Variants in BEND3 observed in about 807,000 individuals in gnomAD.
BEND3 encodes BEN domain containing 3, also known as BEN domain-containing protein 3.
A neutral mutation model predicts 60.1 loss-of-function variants in BEND3; 13 were observed. The observed-to-expected ratio is 0.22, with a 90% confidence interval of 0.14 to 0.34. BEND3 has a LOEUF of 0.34. Among genes scored for constraint, BEND3 ranks in the 10% least tolerant of loss-of-function variants. The pLI, the probability that BEND3 is intolerant of heterozygous loss-of-function variation, is 1.00. For missense variants in BEND3, 896 were observed against 1,138.1 expected (o/e 0.79, Z 3.06); for synonymous variants, 497 against 491.5 (o/e 1.01, Z -0.15).
At position 107,070,087 on chromosome 6, in the gene BEND3, G is replaced by A. The variant is rs2114993955; in HGVS notation, c.1104C>T (p.Phe368=). ...CCTCCTCCTGGTCTTTGTTGTCCAG[G>A]AAGTGGCCGGGGTCCACCTGCTCTG... ...FEAEQVDPGH[F]LDNKDQEEAL... is the part of the protein sequence containing the mutation. The change falls in exon 4 of 4, where the codon TTC becomes TTT. Residue 368 remains phenylalanine, a synonymous_variant. Coordinates refer to ENST00000369042, the MANE Select transcript of BEND3 (RefSeq NM_001367314.1). This position sits in a 1 kb window ranked among gnomAD's most constrained non-coding sequence, Gnocchi z 6.9. 6.2e-7 allele frequency: 1 copy of A among 1,613,536 alleles called. No individual in the cohort carries two copies. Among genetic ancestry groups the A allele is most frequent in the Non-Finnish European group, 8.5e-7 (1 of 1,180,040 alleles).
intron 3 of BEND3, among the ~76,000 whole-genome samples, chr6:107,080,354 C>CAAAAAAAA (rs11402351): frequency 5.2e-3 from 434 of 82,866 alleles, no homozygotes; most frequent in Non-Finnish European, 6.6e-3. Context: ...GATCCCATCT[C>CAAAAAAAA]AAAAAAAAAA....
At chr6:107,105,758 G>C (rs974223068) in intron 1 of BEND3, among the ~76,000 whole-genome samples, 1 of 152,226 alleles carries the variant, frequency 6.6e-6, no homozygotes, top group Non-Finnish European at 1.5e-5. Context: ...TGCTAGATCA[G>C]AGATGTCCTC....
At position 107,070,291 on chromosome 6, in the gene BEND3, C is replaced by T. The variant is rs782035460; in HGVS notation, c.900G>A (p.Glu300=). The T allele has an allele frequency of 2.5e-6, 4 of 1,613,010 alleles. No individual in the cohort carries two copies. The South Asian group carries it at 4.4e-5, about 18-fold the overall frequency. ...TGCGGATGAGCTGCAGGTGCAGCGA[C>T]TCCAGCTTGCGCTTGGCCGCAAAGC... ...ACGFAAKRKL[E]SLHLQLIRNY... Residue 300 remains glutamate (E), a synonymous_variant, in exon 4 of 4, where the codon GAG becomes GAA. Transcript: ENST00000369042. This position sits in a 1 kb window ranked among gnomAD's most constrained non-coding sequence, Gnocchi z 6.9.
At chr6:107,074,910 G>T (rs1554232571) in intron 3 of BEND3, among the ~76,000 whole-genome samples, 1 of 152,038 alleles carries the variant, frequency 6.6e-6, no homozygotes, top group Non-Finnish European at 1.5e-5. Context: ...GACCATCCTG[G>T]CTAACGCAGT....
intron 3 of BEND3, among the ~76,000 whole-genome samples, chr6:107,078,043 G>C (rs1775136082): frequency 6.6e-6 from 1 of 152,148 alleles, no homozygotes; most frequent in African/African-American, 2.4e-5. Context: ...AAAAACTTTG[G>C]CTATGCACCT....
intron 1 of BEND3, among the ~76,000 whole-genome samples, chr6:107,101,973 C>T (rs1270027382): frequency 1.3e-5 from 2 of 152,158 alleles, no homozygotes; most frequent in Admixed American, 6.6e-5. Flanking sequence ...AAACAAATTA[C>T]ATTTGGCAGA....
intron 3 of BEND3, among the ~76,000 whole-genome samples, chr6:107,094,972 C>T (rs935937100): frequency 1.3e-4 from 19 of 151,908 alleles, no homozygotes; most frequent in African/African-American, 4.1e-4. Flanking sequence ...AGGTGTGTGC[C>T]ACCACGCCTG....
In BEND3 at chr6:107,070,823, G is replaced by C; in HGVS notation, c.368C>G (p.Thr123Ser). The change falls in exon 4 of 4, where the codon ACC becomes AGC. Residue 123 changes from threonine (T) to serine (S), a missense_variant. Physicochemically the swap from Thr to Ser is moderately conservative, Grantham distance 58. Coordinates refer to ENST00000369042, the MANE Select transcript of BEND3 (RefSeq NM_001367314.1). This position sits in a 1 kb window ranked among gnomAD's most constrained non-coding sequence, Gnocchi z 6.9. ...PGEEEPCNDA[T>S]TPSYKKPLYG... ...CAGAGGCTTCTTGTAGGAAGGGGTG[G>C]TGGCATCGTTGCAGGGCTCCTCCTC... 6.2e-7 allele frequency: 1 copy of C among 1,614,064 alleles called. No individual in the cohort carries two copies. Among genetic ancestry groups the C allele is most frequent in the Non-Finnish European group, 8.5e-7 (1 of 1,180,032 alleles).
rs1775019915 is a variant in BEND3 at position 107,073,197 on chromosome 6, GTATGTATATATA to G, written c.241-2259_241-2248del. ...AATACTTCCTTCAGGGTTTGTATGT[GTATGTATATATA>G]TATATATATATATATATATATATAT... On this transcript the variant is annotated intron_variant, in intron 3 of 3. Transcript: ENST00000369042. Among the ~76,000 whole-genome samples the G allele has an allele frequency of 4.0e-4, 12 of 30,218 alleles. 2 individuals carry two copies. Among genetic ancestry groups the G allele is most frequent in the South Asian group, 9.7e-4 (1 of 1,028 alleles). 19.8% of individuals were successfully genotyped at this position (30,218 alleles called of 152,430 possible). A position where few individuals can be genotyped will look rare whatever the true frequency, so the allele number is the denominator to read the frequency against.
In BEND3 at chr6:107,115,364, C is replaced by T. The variant is rs1156816306; in HGVS notation, c.-286G>A. On this transcript the variant is annotated 5_prime_UTR_variant, in exon 1 of 4. Transcript: ENST00000369042. The stretch of plus-strand genomic sequence containing the variant: ...AGCCCCCGCTGCAGTGGAACCACAA[C>T]CCCTCCGCCCCCACCCCCGGCCCGC... The T allele has an allele frequency of 2.0e-5, 3 of 148,790 alleles. No individual in the cohort carries two copies. The highest frequency in any genetic ancestry group is 3.0e-5 in the Non-Finnish European group (2 of 66,652). The allele number at this position is 148,790 out of a possible 1,614,324, so 9.2% of individuals were successfully genotyped here. A position where few individuals can be genotyped will look rare whatever the true frequency, so the allele number is the denominator to read the frequency against.
At chr6:107,109,962 T>C (rs1344313044) in intron 1 of BEND3, among the ~76,000 whole-genome samples, 1 of 150,200 alleles carries the variant, frequency 6.7e-6, no homozygotes. Flanking sequence ...GCCCAGGAGG[T>C]TGAAGCTGCA....
chr6:107,098,381 A>G (rs1300226796), intron 3 of BEND3, among the ~76,000 whole-genome samples, 170 bp downstream of exon 3: 1 of 152,212 alleles, frequency 6.6e-6, no homozygotes. Context: ...ATTCCAGTTA[A>G]AGACAGACAC....
rs1582665582 is a variant in BEND3, at chr6:107,098,651, A to C, written c.140T>G (p.Val47Gly). 6.2e-7 allele frequency: 1 copy of C among 1,614,028 alleles called. No individual in the cohort carries two copies. The highest frequency in any genetic ancestry group is 8.5e-7 in the Non-Finnish European group (1 of 1,180,026). ...RTSEKHSVDS[V>G]LTALQDSSKR... ...GCTGGAGTCCTGCAGGGCAGTGAGGACGCTGTCCACAGAGTGCTTCTCAGA... is the reference window on the plus strand; with the variant it reads ...GCTGGAGTCCTGCAGGGCAGTGAGGCCGCTGTCCACAGAGTGCTTCTCAGA... Residue 47 changes from valine (V) to glycine (G), a missense_variant, in exon 3 of 4, where the codon GTC (valine) becomes GGC (glycine). By Grantham distance (109) the Val-to-Gly change is moderately radical. Around this residue, in one of 4 missense-constraint regions of BEND3, gnomAD observed 846 missense variants for 1,036.7 expected, o/e 0.82. Transcript: ENST00000369042.
chr6:107,100,956 C>T (rs962171355), intron 1 of BEND3, among the ~76,000 whole-genome samples: 9 of 152,100 alleles, frequency 5.9e-5, no homozygotes, highest in African/African-American at 2.2e-4. Context: ...AATCCCAGCA[C>T]TTTGGGAGGC....
chr6:107,114,666 TCCGGCCGCC>T (rs372411283), intron 1 of BEND3, among the ~76,000 whole-genome samples: 45,166 of 147,064 alleles, frequency 0.31, 8,579 homozygotes, highest in Middle Eastern at 0.51. Context: ...GGCAGAGCCT[TCCGGCCGCC>T]CCGGCCGCTC....
At chr6:107,104,917 G>T (rs1329029099) in intron 1 of BEND3, among the ~76,000 whole-genome samples, 1 of 151,870 alleles carries the variant, frequency 6.6e-6, no homozygotes, top group Non-Finnish European at 1.5e-5. Context: ...CACCCACCTC[G>T]ACCTCCCAAA....
At chr6:107,094,722 T>C (rs1554235724) in intron 3 of BEND3, among the ~76,000 whole-genome samples, 1 of 151,500 alleles carries the variant, frequency 6.6e-6, no homozygotes, top group African/African-American at 2.4e-5. Context: ...GGCATGGTGC[T>C]GCCATGCCTG....
intron 1 of BEND3, among the ~76,000 whole-genome samples, chr6:107,106,663 G>A (rs1775820946): frequency 6.6e-6 from 1 of 152,144 alleles, no homozygotes; most frequent in African/African-American, 2.4e-5. Context: ...CAGGCAGAGT[G>A]CAGCAGTATG....
intron 3 of BEND3, among the ~76,000 whole-genome samples, chr6:107,079,022 C>A (rs1446047526): frequency 6.6e-6 from 1 of 152,084 alleles, no homozygotes; most frequent in Non-Finnish European, 1.5e-5. Context: ...GAGACCCTAG[C>A]AGGCAGGCAC....
Sources: allele counts gnomAD v4.1 joint callset (sites outside exome capture counted in the v4.1 genomes callset), GRCh38; gene constraint gnomAD v4.1.1; regional missense constraint gnomAD v4.1.1; non-coding constraint Gnocchi (gnomAD v3.1); transcripts MANE v1.5; gene names NCBI Gene and HGNC (gene_info 2026-07-23, HGNC 2026-07-21).